ATP13A3: variants seen among roughly 807,000 people sequenced by gnomAD.
ATP13A3 encodes the protein ATPase 13A3, also known as polyamine-transporting ATPase 13A3.
In ATP13A3, 59 loss-of-function variants were observed where a neutral mutation model predicts 158.1. That is an observed-to-expected ratio of 0.37 (90% CI 0.30 to 0.46). The LOEUF (loss-of-function observed/expected upper bound fraction) is 0.46, where lower values mean the gene tolerates loss of function less well. Among genes scored for constraint, ATP13A3 ranks in the 20% least tolerant of loss-of-function variants. The pLI is 1.00. For synonymous variants in ATP13A3, 491 were observed against 504.3 expected (o/e 0.97, Z 0.35); for missense variants, 1,166 against 1,525.2 (o/e 0.76, Z 3.92).
At chr3:194,477,971 A>G (rs1177247736) in intron 2 of ATP13A3, among the ~76,000 whole-genome samples, 1 of 152,232 alleles carries the variant, frequency 6.6e-6, no homozygotes, top group Non-Finnish European at 1.5e-5. Flanking sequence ...TCTCACCAAC[A>G]TGTTCACCAA....
rs781676172 is a variant in ATP13A3 at position 194,460,807 on chromosome 3, G to C, written c.76C>G (p.Arg26Gly). 6.2e-7 allele frequency: 1 copy of C among 1,613,734 alleles called. No individual in the cohort carries two copies. Among genetic ancestry groups the C allele is most frequent in the Non-Finnish European group, 8.5e-7 (1 of 1,179,894 alleles). ...AAAGAAACTATGGCAAGCTTCCAGC[G>C]ACTCAAATTGTAACCATAAATCTCC... ...EMEIYGYNLSRWKLAIVSLGV... is the reference protein window; with the variant it reads ...EMEIYGYNLSGWKLAIVSLGV... Residue 26 changes from arginine (R) to glycine (G), a missense_variant, in exon 4 of 34, where the codon CGC (arginine) becomes GGC (glycine). By Grantham distance (125) the Arg-to-Gly change is moderately radical. This residue lies in a region of ATP13A3 where 65 missense variants were observed against 92.4 expected (regional missense o/e 0.70). Coordinates refer to ENST00000645319, the MANE Select transcript of ATP13A3 (RefSeq NM_001367549.1).
chr3:194,441,986 T>C (rs958638662), intron 15 of ATP13A3, among the ~76,000 whole-genome samples: 6 of 152,236 alleles, frequency 3.9e-5, no homozygotes, highest in Non-Finnish European at 7.3e-5. Context: ...TTAAATTTAT[T>C]GGCCCATTAT....
chr3:194,413,484 C>T (rs767801859), intron 32 of ATP13A3, among the ~76,000 whole-genome samples: 1 of 152,126 alleles, frequency 6.6e-6, no homozygotes, highest in Non-Finnish European at 1.5e-5. Context: ...GCCACCGAGG[C>T]CCCAAACTTC....
At chr3:194,493,870 A>G (rs1017477836) in intron 2 of ATP13A3, among the ~76,000 whole-genome samples, 1 of 152,176 alleles carries the variant, frequency 6.6e-6, no homozygotes, top group African/African-American at 2.4e-5. Flanking sequence ...GAAACTTTAC[A>G]TATATGATCT....
chr3:194,483,416 C>T (rs1191555733), intron 2 of ATP13A3, among the ~76,000 whole-genome samples: 1 of 116,814 alleles, frequency 8.6e-6, no homozygotes, highest in African/African-American at 4.5e-5. Flanking sequence ...ACGGTGAAAA[C>T]CCACCTCTAC....
chr3:194,487,128 AT>A (rs1224872761), upstream of ATP13A3: 6 of 152,092 alleles, frequency 3.9e-5, no homozygotes, highest in Non-Finnish European at 4.4e-5. Context: ...CCGCCCACCC[AT>A]CGCCTTTGCC....
Position 194,430,255 on chromosome 3 carries a change from C to A in ATP13A3, c.2667+18G>T. The A allele has an allele frequency of 6.2e-7, 1 of 1,613,662 alleles. No individual in the cohort carries two copies. The highest frequency in any genetic ancestry group is 1.3e-5 in the African/African-American group (1 of 75,020). ...TAGAGTAAGAACTATAAAACTAAAT[C>A]ACAAAAACTATACTTACACCACAAT... is the stretch of plus-strand genomic sequence containing the variant. On this transcript the variant is annotated intron_variant, in intron 25 of 33. Transcript: ENST00000645319.
At chr3:194,415,593 T>C (rs1715774954) in intron 31 of ATP13A3, among the ~76,000 whole-genome samples, 1 of 151,996 alleles carries the variant, frequency 6.6e-6, no homozygotes, top group Non-Finnish European at 1.5e-5. Context: ...ATTCCACTTT[T>C]GCATATTTAG....
chr3:194,433,276 G>T (rs375251749), intron 21 of ATP13A3, among the ~76,000 whole-genome samples: 2 of 126,314 alleles, frequency 1.6e-5, no homozygotes, highest in African/African-American at 3.1e-5. Flanking sequence ...TCGCTCTGTC[G>T]CCCAGGCCGG....
At chr3:194,445,257 G>C (rs1024442476) in intron 14 of ATP13A3, among the ~76,000 whole-genome samples, 1 of 152,092 alleles carries the variant, frequency 6.6e-6, no homozygotes, top group Non-Finnish European at 1.5e-5. Flanking sequence ...GGAGATAAGG[G>C]GTAAGTAAAG....
intron 20 of ATP13A3, among the ~76,000 whole-genome samples, chr3:194,436,629 A>G (rs774830661): frequency 6.6e-6 from 1 of 152,268 alleles, no homozygotes; most frequent in Non-Finnish European, 1.5e-5. Context: ...ACACAGAATG[A>G]TCACTTAAGG....
Position 194,431,892 on chromosome 3 carries a change from C to A in ATP13A3, c.2246G>T (p.Gly749Val). 6.4e-7 allele frequency: 1 copy of A among 1,565,476 alleles called. No individual in the cohort carries two copies. The highest frequency in any genetic ancestry group is 8.6e-7 in the Non-Finnish European group (1 of 1,160,640). ...AGAGACAGCAGTCAACATACTGTCA[C>A]CTAATTTTCAAAATATTTTAAATGT... is the stretch of plus-strand genomic sequence containing the variant. ...KANIRTVMVT[G>V]DSMLTAVSVA... Residue 749 changes from glycine (G) to valine (V), a missense_variant and splice_region_variant, in exon 22 of 34, where the codon GGT becomes GTT. By Grantham distance (109) the Gly-to-Val change is moderately radical. Coordinates refer to ENST00000645319, the MANE Select transcript of ATP13A3 (RefSeq NM_001367549.1).
Position 194,455,910 on chromosome 3 carries a change from TA to T in ATP13A3, c.612del (p.Phe204LeufsTer4). 6.4e-7 allele frequency: 1 copy of T among 1,550,970 alleles called. No individual in the cohort carries two copies. The highest frequency in any genetic ancestry group is 8.8e-7 in the Non-Finnish European group (1 of 1,140,384). Reference protein sequence around the residue: ...NEIAVKVPSVFKLLIKEVLNP... With the variant: ...NEIAVKVPSVXKLLIKEVLNP... ...AGTCTTACCTCTTTAATTAGAAGCT[TA>T]AAAACAGAAGGCACTTTTACAGCAA... On this transcript the variant is annotated frameshift_variant, in exon 8 of 34. Transcript: ENST00000645319. LOFTEE classifies it high-confidence loss of function.
At position 194,427,176 on chromosome 3, in the gene ATP13A3, G is replaced by A; in HGVS notation, c.3024C>T (p.Phe1008=). Residue 1008 remains phenylalanine, a synonymous_variant, in exon 29 of 34, where the codon TTC becomes TTT. Transcript: ENST00000645319. Reference sequence around the variant, plus strand: ...AGATGATAATCTGAGACAAAACGGAGAAGAGAAGGGCCCCAGATATAAGAC... The same window carrying A: ...AGATGATAATCTGAGACAAAACGGAAAAGAGAAGGGCCCCAGATATAAGAC... ...PSGLISGALL[F]SVLSQIIICI... is the part of the protein sequence containing the mutation. 1 of 1,613,702 alleles carries A rather than the reference G, an allele frequency of 6.2e-7. No homozygotes were observed. Among genetic ancestry groups the A allele is most frequent in the Non-Finnish European group, 8.5e-7 (1 of 1,179,936 alleles).
At chr3:194,450,566 T>A in intron 10 of ATP13A3, 1 of 343,090 alleles carries the variant, frequency 2.9e-6, no homozygotes, top group East Asian at 6.4e-5. Context: ...CCGTCCATGA[T>A]AAATGGTGAC....
rs760595775 is a variant in ATP13A3 at position 194,427,084 on chromosome 3, G to C, written c.3116C>G (p.Pro1039Arg). The C allele has an allele frequency of 6.2e-7, 1 of 1,611,264 alleles. No individual in the cohort carries two copies. The highest frequency in any genetic ancestry group is 8.5e-7 in the Non-Finnish European group (1 of 1,179,380). ...AGATTGACCAACTTACTCTGATTTTGGATGCCACACTTCATACCAAGGTTG... is the reference window on the plus strand; with the variant it reads ...AGATTGACCAACTTACTCTGATTTTCGATGCCACACTTCATACCAAGGTTG... ...KQQPWYEVWH[P>R]KSDACNTTGS... is the part of the protein sequence containing the mutation. The change falls in exon 29 of 34, where the codon CCA becomes CGA. Residue 1039 changes from proline (P) to arginine (R), a missense_variant. This residue lies in a region of ATP13A3 where 997 missense variants were observed against 1,341.2 expected (regional missense o/e 0.74). Transcript: ENST00000645319.
chr3:194,429,697 C>A lies in ATP13A3; in HGVS notation c.2855G>T (p.Ser952Ile). The A allele has an allele frequency of 6.2e-7, 1 of 1,612,020 alleles. No individual in the cohort carries two copies. Among genetic ancestry groups the A allele is most frequent in the Non-Finnish European group, 8.5e-7 (1 of 1,178,222 alleles). ...ACTCACAGAATACAGCAGAGTAACACTGAAGTACTGGATAATGCTGTACAA... is the reference window on the plus strand; with the variant it reads ...ACTCACAGAATACAGCAGAGTAACAATGAAGTACTGGATAATGCTGTACAA... ...MALYSIIQYFSVTLLYSILSN... is the reference protein window; with the variant it reads ...MALYSIIQYFIVTLLYSILSN... The change falls in exon 27 of 34, where the codon AGT (serine) becomes ATT (isoleucine). Residue 952 changes from serine (S) to isoleucine (I), a missense_variant. Physicochemically the swap from Ser to Ile is moderately radical, Grantham distance 142 (BLOSUM62 -2). Transcript: ENST00000645319.
At chr3:194,453,312 G>A (rs752113347) in intron 10 of ATP13A3, among the ~76,000 whole-genome samples, 9 of 149,974 alleles carry the variant, frequency 6.0e-5, no homozygotes, top group East Asian at 1.9e-4. Flanking sequence ...AAGGCCGGGT[G>A]CACAGTGCAG....
At chr3:194,442,872 CA>C (rs1718144874) in intron 15 of ATP13A3, among the ~76,000 whole-genome samples, 7 of 151,940 alleles carry the variant, frequency 4.6e-5, no homozygotes, top group Admixed American at 4.6e-4. Context: ...TACCAATTAA[CA>C]AAAGGTATTA....
Sources: allele counts gnomAD v4.1 joint callset (sites outside exome capture counted in the v4.1 genomes callset), GRCh38; gene constraint gnomAD v4.1.1; regional missense constraint gnomAD v4.1.1; transcripts MANE v1.5; gene names NCBI Gene and HGNC (gene_info 2026-07-23, HGNC 2026-07-21).